Variants in GATA4 observed in about 807,000 individuals in gnomAD.
GATA4 encodes GATA binding protein 4, also known as transcription factor GATA-4.
In GATA4, 7 loss-of-function variants were observed where a neutral mutation model predicts 37.9. The ratio of observed to expected loss-of-function variants is 0.18; its 90% CI spans 0.11 to 0.35. The LOEUF is 0.35. Among genes scored for constraint, GATA4 ranks in the 10% least tolerant of loss-of-function variants. The pLI is 1.00. For missense variants in GATA4, 647 were observed against 653.0 expected (o/e 0.99, Z 0.10); for synonymous variants, 372 against 292.6 (o/e 1.27, Z -2.77).
intron 2 of GATA4, among the ~76,000 whole-genome samples, chr8:11,743,099 C>G (rs900747154): frequency 6.6e-6 from 1 of 152,234 alleles, no homozygotes; most frequent in African/African-American, 2.4e-5. Flanking sequence ...GTGTCTCTCC[C>G]TGAACGTCCA....
chr8:11,702,931 G>A (rs909060463), upstream of GATA4, among the ~76,000 whole-genome samples: 2 of 152,264 alleles, frequency 1.3e-5, no homozygotes, highest in Non-Finnish European at 2.9e-5. This position sits in a 1 kb window ranked among gnomAD's most constrained non-coding sequence, Gnocchi z 4.4. Flanking sequence ...AGAATCCCCA[G>A]GAGTTGGCCA....
chr8:11,682,769 G>A (rs995824102), intron 1 of GATA4, among the ~76,000 whole-genome samples: 15 of 152,206 alleles, frequency 9.9e-5, no homozygotes, highest in African/African-American at 2.2e-4. Flanking sequence ...CTGGTCAGAC[G>A]TAGTAGTCCC....
intron 1 of GATA4, among the ~76,000 whole-genome samples, chr8:11,694,278 G>A (rs1467988301): frequency 6.6e-6 from 1 of 152,210 alleles, no homozygotes; most frequent in African/African-American, 2.4e-5. Context: ...GGATCAGAGG[G>A]CTTGTAGGCT....
chr8:11,722,928 A>G (rs73537887), intron 2 of GATA4, among the ~76,000 whole-genome samples: 3,904 of 152,350 alleles, frequency 0.026, 172 homozygotes, highest in African/African-American at 0.088. Context: ...CAGTTTGTCT[A>G]GGAAAGGCAG....
chr8:11,695,642 C>T (rs775613799), intron 1 of GATA4, among the ~76,000 whole-genome samples: 21 of 152,262 alleles, frequency 1.4e-4, no homozygotes, highest in Admixed American at 2.0e-4. Context: ...TGGTTCTCTC[C>T]GCTTCCCATC....
At chr8:11,683,057 T>C in intron 1 of GATA4, 1 of 985,356 alleles carries the variant, frequency 1.0e-6, no homozygotes, top group Non-Finnish European at 1.2e-6. Flanking sequence ...AGCTCTCTGG[T>C]GTCTCTTACC....
chr8:11,752,277 G>A (rs1208717712), intron 4 of GATA4, among the ~76,000 whole-genome samples: 6 of 152,148 alleles, frequency 3.9e-5, no homozygotes, highest in African/African-American at 9.7e-5. Context: ...AAATATACAC[G>A]TATAGGTGTA....
Position 11,681,311 on chromosome 8 carries a change from C to T in GATA4, c.-274+4248C>T, listed in dbSNP as rs1489284259. The T allele has an allele frequency of 4.1e-6, 4 of 985,316 alleles. No homozygotes were observed. The African/African-American group carries it at 7.0e-5, about 17-fold the overall frequency. The allele number at this position is 985,316 out of a possible 1,614,324, so 61.0% of individuals were successfully genotyped here. On this transcript the variant is annotated intron_variant, in intron 1 of 6. Transcript: ENST00000528712. Reference sequence around the variant, plus strand: ...AGGTTCCGGGGAAGAGCACTGTCTTCACCACTTCTCGACCTGCGCCCCAAC... The same window carrying T: ...AGGTTCCGGGGAAGAGCACTGTCTTTACCACTTCTCGACCTGCGCCCCAAC...
At chr8:11,724,572 G>C (rs1179644706) in intron 2 of GATA4, among the ~76,000 whole-genome samples, 1 of 152,224 alleles carries the variant, frequency 6.6e-6, no homozygotes, top group Non-Finnish European at 1.5e-5. Context: ...AACCCGCCCT[G>C]TGTTGCTTGC....
intron 2 of GATA4, among the ~76,000 whole-genome samples, chr8:11,723,180 C>A (rs1800753608): frequency 6.6e-6 from 1 of 151,768 alleles, no homozygotes; most frequent in Non-Finnish European, 1.5e-5. Context: ...GAGCCTGTCT[C>A]TACAAAATAA....
intron 2 of GATA4, among the ~76,000 whole-genome samples, chr8:11,742,398 C>CTTT (rs1563222364): frequency 5.2e-5 from 3 of 57,268 alleles, no homozygotes; most frequent in Non-Finnish European, 5.8e-5. Flanking sequence ...TTTTTTTTTC[C>CTTT]TTTCCCTTTC....
intron 2 of GATA4, among the ~76,000 whole-genome samples, chr8:11,711,436 T>G (rs1204891637): frequency 1.3e-5 from 2 of 152,224 alleles, no homozygotes; most frequent in East Asian, 3.9e-4. Context: ...ATTCATAGCT[T>G]CAGCGTGTTA....
At chr8:11,717,068 A>G (rs2130122355) in intron 2 of GATA4, among the ~76,000 whole-genome samples, 1 of 152,276 alleles carries the variant, frequency 6.6e-6, no homozygotes. Flanking sequence ...CTCTGTTGGG[A>G]AGGAGTATCG....
chr8:11,736,493 G>A (rs895241689), intron 2 of GATA4, among the ~76,000 whole-genome samples: 12 of 152,216 alleles, frequency 7.9e-5, no homozygotes, highest in South Asian at 4.1e-4. Flanking sequence ...GAAGCCAGGG[G>A]CGGACCCCGT....
chr8:11,708,769 G>T lies in GATA4; in HGVS notation c.457G>T (p.Gly153Cys). 1 of 1,429,998 alleles carries T rather than the reference G, an allele frequency of 7.0e-7. No individual in the cohort carries two copies. The highest frequency in any genetic ancestry group is 9.1e-7 in the Non-Finnish European group (1 of 1,096,906). The allele number at this position is 1,429,998 out of a possible 1,614,324, so 88.6% of individuals were successfully genotyped here. A position where few individuals can be genotyped will look rare whatever the true frequency, so the allele number is the denominator to read the frequency against. The change falls in exon 2 of 7, where the codon GGC becomes TGC. Residue 153 changes from glycine to cysteine, a missense_variant. By Grantham distance (159) the Gly-to-Cys change is radical. Around this residue, in one of 5 missense-constraint regions of GATA4, gnomAD observed 379 missense variants for 334.5 expected, o/e 1.13. Coordinates refer to ENST00000532059, the MANE Select transcript of GATA4 (RefSeq NM_001308093.3). This position sits in a 1 kb window ranked among gnomAD's most constrained non-coding sequence, Gnocchi z 6.7. ...GGGCCGCGAGCAGTACGGGCGCGCC[G>T]GCTTCGCGGGCTCCTACTCCAGCCC... ...LAGREQYGRA[G>C]FAGSYSSPYP...
intron 1 of GATA4, among the ~76,000 whole-genome samples, chr8:11,698,949 G>C (rs904288114): frequency 6.6e-6 from 1 of 152,222 alleles, no homozygotes; most frequent in African/African-American, 2.4e-5. Flanking sequence ...TCTACTCTGA[G>C]AAATGGCAGT....
At chr8:11,704,408 GAA>G (rs1410966900) in intron 1 of GATA4, 104 bp downstream of exon 1, 5 of 152,238 alleles carry the variant, frequency 3.3e-5, no homozygotes. Context: ...CTAGTGGGAG[GAA>G]AAGAGACGTG....
At chr8:11,696,028 A>G (rs1799498774) in intron 1 of GATA4, among the ~76,000 whole-genome samples, 1 of 152,236 alleles carries the variant, frequency 6.6e-6, no homozygotes, top group Non-Finnish European at 1.5e-5. Flanking sequence ...GTGGACTCGC[A>G]CTAAAGACAG....
At chr8:11,689,844 G>A (rs867803897), upstream of GATA4, among the ~76,000 whole-genome samples, 2 of 152,206 alleles carry the variant, frequency 1.3e-5, no homozygotes, top group Non-Finnish European at 2.9e-5. Context: ...ACATCAGGGC[G>A]AGGGAAGTTT....
Sources: allele counts gnomAD v4.1 joint callset (sites outside exome capture counted in the v4.1 genomes callset), GRCh38; gene constraint gnomAD v4.1.1; regional missense constraint gnomAD v4.1.1; non-coding constraint Gnocchi (gnomAD v3.1); transcripts MANE v1.5; gene names NCBI Gene and HGNC (gene_info 2026-07-23, HGNC 2026-07-21).